The following LRRCC1 variants were observed in gnomAD, a reference collection of about 807,000 sequenced individuals.
LRRCC1 encodes leucine rich repeat and coiled-coil centrosomal protein 1.
LRRCC1 carries 115 observed loss-of-function variants against 126.0 expected under a neutral mutation model. The ratio of observed to expected loss-of-function variants is 0.91; its 90% CI spans 0.78 to 1.07. The LOEUF (loss-of-function observed/expected upper bound fraction) is 1.07. Among genes scored for constraint, LRRCC1 ranks in the 50% least tolerant of loss-of-function variants. The pLI, the probability that LRRCC1 is intolerant of heterozygous loss-of-function variation, is 0.00. For missense variants in LRRCC1, 1,172 were observed against 1,175.7 expected (o/e 1.00, Z 0.05); for synonymous variants, 400 against 393.4 (o/e 1.02, Z -0.20).
rs183044056 is a variant in LRRCC1, at chr8:85,134,138, G to A, written c.1969-709G>A. ...CCATTGTTGCATTCTCAGTGATTAT[G>A]CCAGTTAAAATTGAACCCACATCTC... On this transcript the variant is annotated intron_variant, in intron 12 of 18. Coordinates refer to ENST00000360375, the MANE Select transcript of LRRCC1 (RefSeq NM_033402.5). Among the ~76,000 whole-genome samples, 77 of 152,178 alleles carry A rather than the reference G, an allele frequency of 5.1e-4. 2 individuals carry two copies. Among genetic ancestry groups the A allele is most frequent in the Admixed American group, 4.3e-3 (65 of 15,280 alleles).
intron 6 of LRRCC1, among the ~76,000 whole-genome samples, chr8:85,116,763 G>C (rs1007384235): frequency 6.6e-6 from 1 of 152,148 alleles, no homozygotes; most frequent in African/African-American, 2.4e-5. Flanking sequence ...TATGGTTCAG[G>C]AGGTTTTTAA....
In LRRCC1 at chr8:85,138,397, T is replaced by C; in HGVS notation, c.2762T>C (p.Val921Ala). The C allele has an allele frequency of 6.2e-7, 1 of 1,612,132 alleles. No individual in the cohort carries two copies. The highest frequency in any genetic ancestry group is 8.5e-7 in the Non-Finnish European group (1 of 1,179,004). ...GELLCHLETQ[V>A]KEVKEKFENK... ...CTTCTATGTCATCTTGAAACACAAG[T>C]AAAAGAAGTGAAAGAAAAATTTGAA... The change falls in exon 17 of 19, where the codon GTA becomes GCA. Residue 921 changes from valine to alanine, a missense_variant. By Grantham distance (64) the Val-to-Ala change is moderately conservative. Coordinates refer to ENST00000360375, the MANE Select transcript of LRRCC1 (RefSeq NM_033402.5).
Position 85,107,251 on chromosome 8 carries a change from C to T in LRRCC1, c.-45C>T, listed in dbSNP as rs1477811283. Reference sequence around the variant, plus strand: ...GAGGCTTGTCCCAAGCTCACGGACCCCTCGCTGGGTGCCGGTTAAGACCCC... The same window carrying T: ...GAGGCTTGTCCCAAGCTCACGGACCTCTCGCTGGGTGCCGGTTAAGACCCC... On this transcript the variant is annotated 5_prime_UTR_variant, in exon 1 of 19. Transcript: ENST00000360375. 1.3e-6 allele frequency: 2 copies of T among 1,563,552 alleles called. No individual in the cohort carries two copies. The highest frequency in any genetic ancestry group is 1.9e-4 in the Middle Eastern group (1 of 5,230).
intron 9 of LRRCC1, 109 bp from the exon 10 acceptor site, chr8:85,129,066 G>A (rs1374637475): frequency 1.3e-6 from 1 of 793,344 alleles, no homozygotes; most frequent in African/African-American, 1.7e-5. Context: ...CAGGAGTTGA[G>A]AGCATGAACA....
chr8:85,123,263 C>T (rs1809706631), intron 6 of LRRCC1, 150 bp from the exon 7 acceptor site: 1 of 547,934 alleles, frequency 1.8e-6, no homozygotes, highest in East Asian at 3.4e-5. Context: ...TTGTCCATAC[C>T]AGAAGCTGAA....
Position 85,107,276 on chromosome 8 carries a change from C to T in LRRCC1, c.-20C>T. 2 of 1,600,060 alleles carry T rather than the reference C, an allele frequency of 1.2e-6. No individual in the cohort carries two copies. The highest frequency in any genetic ancestry group is 1.1e-5 in the South Asian group (1 of 89,238). On this transcript the variant is annotated 5_prime_UTR_variant, in exon 1 of 19. Transcript: ENST00000360375. ...CCTCGCTGGGTGCCGGTTAAGACCCCGCTCCCCGTCGCCAGTGCTATGGAG... is the reference window on the plus strand; with the variant it reads ...CCTCGCTGGGTGCCGGTTAAGACCCTGCTCCCCGTCGCCAGTGCTATGGAG...
chr8:85,144,404 GTGTGTGTGTGTGTGTGTGTGTGTA>G (rs1811477407), intron 18 of LRRCC1, among the ~76,000 whole-genome samples: 1 of 8,902 alleles, frequency 1.1e-4, no homozygotes, highest in Non-Finnish European at 2.3e-4. Flanking sequence ...GAGTTAAAAT[GTGTGTGTGTGTGTGTGTGTGTGTA>G]TGTGTGTGTG....
Position 85,145,413 on chromosome 8 carries a change from C to T in LRRCC1, c.3001C>T (p.Arg1001Cys), listed in dbSNP as rs769047718. The change falls in exon 19 of 19, where the codon CGT becomes TGT. Residue 1001 changes from arginine to cysteine, a missense_variant. Physicochemically the swap from Arg to Cys is radical, Grantham distance 180. Transcript: ENST00000360375. Reference sequence around the variant, plus strand: ...GGTCCATCAAATTGAAAAAGAAATGCGTGAACTTTTGGAAGAAACATGCAA... The same window carrying T: ...GGTCCATCAAATTGAAAAAGAAATGTGTGAACTTTTGGAAGAAACATGCAA... ...LKVHQIEKEM[R>C]ELLEETCKNK... is the part of the protein sequence containing the mutation. The T allele has an allele frequency of 2.2e-5, 34 of 1,558,756 alleles. 1 individual carries two copies. Among genetic ancestry groups the T allele is most frequent in the Middle Eastern group, 1.7e-4 (1 of 5,968 alleles).
chr8:85,121,298 G>T (rs1027689449), intron 6 of LRRCC1, among the ~76,000 whole-genome samples: 34 of 152,258 alleles, frequency 2.2e-4, no homozygotes, highest in African/African-American at 7.2e-4. Flanking sequence ...AATTATTAAT[G>T]AAGTTGGATT....
Position 85,137,570 on chromosome 8 carries a change from A to C in LRRCC1, c.2436A>C (p.Leu812Phe). The change falls in exon 15 of 19, where the codon TTA becomes TTC. Residue 812 changes from leucine (L) to phenylalanine (F), a missense_variant. Transcript: ENST00000360375. ...RKTNESDSDALRIKCKIIDDQ... is the reference protein window; with the variant it reads ...RKTNESDSDAFRIKCKIIDDQ... ...CAAATGAAAGTGATAGTGATGCATTAAGAATAAAGTGCAAAATCATAGACG... is the reference window on the plus strand; with the variant it reads ...CAAATGAAAGTGATAGTGATGCATTCAGAATAAAGTGCAAAATCATAGACG... 6.5e-7 allele frequency: 1 copy of C among 1,535,278 alleles called. No homozygotes were observed. The highest frequency in any genetic ancestry group is 8.7e-7 in the Non-Finnish European group (1 of 1,145,562).
chr8:85,138,001 T>C (rs766035491), intron 15 of LRRCC1, 34 bp from the exon 16 acceptor site: 3 of 1,096,292 alleles, frequency 2.7e-6, no homozygotes, highest in Admixed American at 5.3e-5. Context: ...CATTTAAAGT[T>C]AATAAAAACA....
At chr8:85,144,474 A>ATAT (rs1563963702) in intron 18 of LRRCC1, among the ~76,000 whole-genome samples, 1 of 46,908 alleles carries the variant, frequency 2.1e-5, no homozygotes, top group Admixed American at 2.7e-4. Flanking sequence ...ATATATATAT[A>ATAT]TTTTTTTTTT....
Position 85,130,048 on chromosome 8 carries a change from C to G in LRRCC1, c.1756C>G (p.Gln586Glu), listed in dbSNP as rs1281408883. ...TCATCAACTTCTTGCATTGAAAGAA[C>G]AGGAACACAGGTAAATGAAAAATGT... Reference protein sequence around the residue: ...QLHQLLALKEQEHRKELETRE... With the variant: ...QLHQLLALKEEEHRKELETRE... Residue 586 changes from glutamine (Q) to glutamate (E), a missense_variant, in exon 11 of 19, where the codon CAG (glutamine) becomes GAG (glutamate). Physicochemically the swap from Gln to Glu is conservative, Grantham distance 29 (BLOSUM62 2). Transcript: ENST00000360375. 8 of 1,574,970 alleles carry G rather than the reference C, an allele frequency of 5.1e-6. No individual in the cohort carries two copies. The highest frequency in any genetic ancestry group is 2.3e-5 in the East Asian group (1 of 42,776).
rs755605394 is a variant in LRRCC1 at position 85,141,379 on chromosome 8, A to G, written c.2841-3A>G. The stretch of plus-strand genomic sequence containing the variant: ...TATATGTGGATGTTCTTGTTTTTTT[A>G]AGGAATGCAATGGAAAAACTTCATA... On this transcript the variant is annotated splice_polypyrimidine_tract_variant and splice_region_variant and intron_variant, in intron 17 of 18. Coordinates refer to ENST00000360375, the MANE Select transcript of LRRCC1 (RefSeq NM_033402.5). 1.3e-5 allele frequency: 21 copies of G among 1,608,388 alleles called. No individual in the cohort carries two copies. Among genetic ancestry groups the G allele is most frequent in the Non-Finnish European group, 1.8e-5 (21 of 1,176,576 alleles).
intron 14 of LRRCC1, 87 bp downstream of exon 14, chr8:85,136,050 G>C: frequency 9.0e-7 from 1 of 1,108,286 alleles, no homozygotes; most frequent in Non-Finnish European, 1.2e-6. Flanking sequence ...ACTCAACTCT[G>C]CCTAAAGATG....
In LRRCC1 at chr8:85,125,670, CA is replaced by C. The variant is rs71273921; in HGVS notation, c.1272+750del. On this transcript the variant is annotated intron_variant, in intron 8 of 18. Transcript: ENST00000360375. ...CCTGGGCGACAGAGCGAGACTCCGT[CA>C]AAAAAAAAAAAAAAAAAAGAGGTGT... 2.7e-3 allele frequency among the ~76,000 whole-genome samples: 142 copies of C among 51,926 alleles called. 2 individuals carry two copies. The highest frequency in any genetic ancestry group is 8.7e-3 in the African/African-American group (93 of 10,728). 34.1% of individuals were successfully genotyped at this position (51,926 alleles called of 152,430 possible). A position where few individuals can be genotyped will look rare whatever the true frequency, so the allele number is the denominator to read the frequency against.
At chr8:85,133,851 C>T (rs970993479) in intron 12 of LRRCC1, among the ~76,000 whole-genome samples, 13 of 152,166 alleles carry the variant, frequency 8.5e-5, no homozygotes, top group Admixed American at 8.5e-4. Context: ...CTAGAATGTT[C>T]TTTTAAAATA....
intron 18 of LRRCC1, among the ~76,000 whole-genome samples, chr8:85,144,906 T>A (rs1811555266): frequency 6.8e-6 from 1 of 147,830 alleles, no homozygotes; most frequent in Non-Finnish European, 1.5e-5. Flanking sequence ...CCATCTCTAC[T>A]AAAAATAAAA....
rs148476308 is a variant in LRRCC1, at chr8:85,137,899, G to A, written c.2494-136G>A. The stretch of plus-strand genomic sequence containing the variant: ...TGGAAATACCCAATGTCAATTAAGG[G>A]TTAGGAGTCACAAGAAAATGAACAT... On this transcript the variant is annotated intron_variant, in intron 15 of 18. Transcript: ENST00000360375. 2,493 of 572,776 alleles carry A rather than the reference G, an allele frequency of 4.4e-3. 9 individuals carry two copies. The highest frequency in any genetic ancestry group is 5.3e-3 in the Non-Finnish European group (1,745 of 332,380). The allele number at this position is 572,776 out of a possible 1,614,324, so 35.5% of individuals were successfully genotyped here.
Sources: allele counts gnomAD v4.1 joint callset (sites outside exome capture counted in the v4.1 genomes callset), GRCh38; gene constraint gnomAD v4.1.1; transcripts MANE v1.5; gene names NCBI Gene and HGNC (gene_info 2026-07-23, HGNC 2026-07-21).